The following THAP5 variants were observed in gnomAD, a reference collection of about 807,000 sequenced individuals.
The protein encoded by THAP5 is THAP domain-containing protein 5.
Under a neutral mutation model 34.0 loss-of-function variants are expected in THAP5, and 26 were observed. That is an observed-to-expected ratio of 0.77 (90% CI 0.56 to 1.06). THAP5 has a LOEUF of 1.06. THAP5 is among the 50% of genes least tolerant of loss of function. The pLI, the probability that THAP5 is intolerant of heterozygous loss-of-function variation, is 0.00. For missense variants in THAP5, 394 were observed against 452.8 expected, an observed-to-expected ratio of 0.87 and a Z score of 1.18; for synonymous variants, 125 against 153.0, an observed-to-expected ratio of 0.82 and a Z score of 1.35.
At chr7:108,556,957 A>G (rs528255078) in intron 1 of THAP5, among the ~76,000 whole-genome samples, 4 of 152,232 alleles carry the variant, frequency 2.6e-5, no homozygotes, top group East Asian at 3.9e-4. Flanking sequence ...CCAAACCTCA[A>G]CTCTTGCCTT....
intron 1 of THAP5, among the ~76,000 whole-genome samples, chr7:108,555,629 G>T (rs977810729): frequency 7.2e-5 from 11 of 151,992 alleles, no homozygotes; most frequent in African/African-American, 2.7e-4. Context: ...GTCTGTATAG[G>T]AAGCATGGTT....
intron 1 of THAP5, among the ~76,000 whole-genome samples, chr7:108,555,592 G>C (rs953250119): frequency 6.6e-6 from 1 of 152,090 alleles, no homozygotes; most frequent in Non-Finnish European, 1.5e-5. Context: ...CTGAATAAAA[G>C]AAGTTTAATT....
rs751539667 is a variant in THAP5 at position 108,564,599 on chromosome 7, T to G, written c.780A>C (p.Thr260=). Residue 260 remains threonine, a synonymous_variant, in exon 3 of 3, where the codon ACA becomes ACC. Transcript: ENST00000415914. ...NPFLFSTINQ[T]VEELNTNKES... ...CTTTATTTGTGTTTAATTCTTCAACTGTTTGATTAATTGTGCTGAATAAGA... is the reference window on the plus strand; with the variant it reads ...CTTTATTTGTGTTTAATTCTTCAACGGTTTGATTAATTGTGCTGAATAAGA... 1 of 1,613,970 alleles carries G rather than the reference T, an allele frequency of 6.2e-7. No homozygotes were observed. Among genetic ancestry groups the G allele is most frequent in the South Asian group, 1.1e-5 (1 of 91,072 alleles).
chr7:108,562,833 CTCTTT>C lies in THAP5; in HGVS notation c.*1353_*1357del, dbSNP rs1790382700. 1 of 152,146 alleles carries C rather than the reference CTCTTT, an allele frequency of 6.6e-6. No individual in the cohort carries two copies. The highest frequency in any genetic ancestry group is 2.1e-4 in the South Asian group (1 of 4,838). 9.4% of individuals were successfully genotyped at this position (152,146 alleles called of 1,614,324 possible). ...ATTTTTATTTACATTACCATTACTTCTCTTTTCTAAGAGAAATTCTTTGTCTCCCT... is the reference window on the plus strand; with the variant it reads ...ATTTTTATTTACATTACCATTACTTCTCTAAGAGAAATTCTTTGTCTCCCT... On this transcript the variant is annotated 3_prime_UTR_variant, in exon 3 of 3. Coordinates refer to ENST00000415914, the MANE Select transcript of THAP5 (RefSeq NM_001130475.3).
downstream of THAP5, among the ~76,000 whole-genome samples, chr7:108,560,702 A>T (rs1864421032): frequency 6.6e-6 from 1 of 152,154 alleles, no homozygotes; most frequent in Non-Finnish European, 1.5e-5. Flanking sequence ...TCTTTTCCAG[A>T]TGTCTTCCAG....
At chr7:108,550,273 C>CT (rs1225640781), downstream of THAP5, among the ~76,000 whole-genome samples, 2 of 152,018 alleles carry the variant, frequency 1.3e-5, no homozygotes, top group Non-Finnish European at 2.9e-5. Flanking sequence ...CCCTTTGTGT[C>CT]TTTTTTTCTT....
chr7:108,545,415 T>G, the THAP5 span, among the ~76,000 whole-genome samples: 1 of 152,218 alleles, frequency 6.6e-6, no homozygotes, highest in Non-Finnish European at 1.5e-5. Flanking sequence ...CTTCTAAGTC[T>G]CAAGTGACAA....
Position 108,565,993 on chromosome 7 carries a change from TC to T in THAP5, c.109del (p.Glu37LysfsTer4), listed in dbSNP as rs1375377251. 2 of 1,537,004 alleles carry T rather than the reference TC, an allele frequency of 1.3e-6. No homozygotes were observed. Among genetic ancestry groups the T allele is most frequent in the Non-Finnish European group, 1.8e-6 (2 of 1,142,780 alleles). ...PFPLHDKERL[E>X]KWLKNMKRDS... is the part of the protein sequence containing the mutation. Reference sequence around the variant, plus strand: ...TCGCTTCATATTCTTTAACCACTTTTCCAGTCTTTCTTTGTCATGTAGAGGA... The same window carrying T: ...TCGCTTCATATTCTTTAACCACTTTTCAGTCTTTCTTTGTCATGTAGAGGA... On this transcript the variant is annotated frameshift_variant, in exon 2 of 3. Coordinates refer to ENST00000415914, the MANE Select transcript of THAP5 (RefSeq NM_001130475.3). LOFTEE classifies it high-confidence loss of function.
rs1333674476 is a variant in THAP5, at chr7:108,565,509, AGTGAG to A, written c.273+316_273+320del. On this transcript the variant is annotated intron_variant, in intron 2 of 2. Coordinates refer to ENST00000415914, the MANE Select transcript of THAP5 (RefSeq NM_001130475.3). ...CTTGAACCCAGGAGGCAGAGGTTGC[AGTGAG>A]CTGAGATCGCACCACTGCACTCTAG... is the stretch of plus-strand genomic sequence containing the variant. The A allele has an allele frequency of 3.7e-5, 7 of 189,516 alleles. No individual in the cohort carries two copies. The Admixed American group carries it at 3.8e-4, about 10-fold the overall frequency. The allele number at this position is 189,516 out of a possible 1,614,324, so 11.7% of individuals were successfully genotyped here.
At chr7:108,555,549 T>C (rs1864380050) in intron 1 of THAP5, among the ~76,000 whole-genome samples, 1 of 152,122 alleles carries the variant, frequency 6.6e-6, no homozygotes, top group Admixed American at 6.5e-5. Context: ...GTGTTCATGC[T>C]GTTATAAAGA....
chr7:108,544,117 A>C, the THAP5 span, among the ~76,000 whole-genome samples: 5 of 152,224 alleles, frequency 3.3e-5, no homozygotes. Context: ...GTTTTCAAAA[A>C]CTTCTCCACA....
intron 1 of THAP5, chr7:108,554,986 C>T (rs1864376436): frequency 6.6e-6 from 1 of 152,134 alleles, no homozygotes; most frequent in African/African-American, 2.4e-5. Flanking sequence ...GCCTTATTTA[C>T]ACCTCTAATC....
intron 2 of THAP5, 34 bp from the exon 3 acceptor site, chr7:108,565,139 T>C (rs1368990843): frequency 1.4e-6 from 2 of 1,438,490 alleles, no homozygotes; most frequent in East Asian, 2.5e-5. Context: ...CTGAAAAAGA[T>C]GACTTTTATT....
downstream of THAP5, among the ~76,000 whole-genome samples, chr7:108,552,292 C>A (rs1206742311): frequency 6.6e-6 from 1 of 152,132 alleles, no homozygotes; most frequent in Admixed American, 6.5e-5. Context: ...AAGCACCCCA[C>A]ACTCCCCAAT....
At chr7:108,556,730 T>C (rs1472472656) in intron 1 of THAP5, among the ~76,000 whole-genome samples, 1 of 152,164 alleles carries the variant, frequency 6.6e-6, no homozygotes, top group Non-Finnish European at 1.5e-5. Flanking sequence ...AAGCTGTCAG[T>C]GTATCTACCA....
Position 108,565,755 on chromosome 7 carries a change from C to G in THAP5, c.273+75G>C, listed in dbSNP as rs528237634. On this transcript the variant is annotated intron_variant, in intron 2 of 2. Coordinates refer to ENST00000415914, the MANE Select transcript of THAP5 (RefSeq NM_001130475.3). ...TTACCCAAGTTATAGTTCCCTCTTA[C>G]TCTCCCACCTGATCACCTGCCACCC... 3.2e-5 allele frequency: 38 copies of G among 1,198,540 alleles called. No homozygotes were observed. In the South Asian group the frequency reaches 7.2e-4, roughly 23 times the overall value. The allele number at this position is 1,198,540 out of a possible 1,614,324, so 74.2% of individuals were successfully genotyped here.
the THAP5 span, among the ~76,000 whole-genome samples, chr7:108,545,939 C>T: frequency 3.9e-3 from 588 of 151,850 alleles, 3 homozygotes; most frequent in Non-Finnish European, 6.2e-3. Flanking sequence ...ATGGTTTTTC[C>T]TCTATTTGCT....
At position 108,564,037 on chromosome 7, in the gene THAP5, G is replaced by A. The variant is rs560824069; in HGVS notation, c.*154C>T. 3.3e-5 allele frequency: 18 copies of A among 552,124 alleles called. No homozygotes were observed. In the South Asian group the frequency reaches 9.2e-4, roughly 28 times the overall value. The allele number at this position is 552,124 out of a possible 1,614,324, so 34.2% of individuals were successfully genotyped here. ...CAACTCTCTGGTTTTTCTTAAATAA[G>A]TATTACAAGAATAGGATACAGTTCA... On this transcript the variant is annotated 3_prime_UTR_variant, in exon 3 of 3. Transcript: ENST00000415914.
At position 108,569,646 on chromosome 7, in the gene THAP5, G is replaced by C; in HGVS notation, c.-77C>G. 2.0e-6 allele frequency: 3 copies of C among 1,522,100 alleles called. No individual in the cohort carries two copies. Among genetic ancestry groups the C allele is most frequent in the Admixed American group, 4.0e-5 (2 of 50,242 alleles). 94.3% of individuals were successfully genotyped at this position (1,522,100 alleles called of 1,614,324 possible). A position where few individuals can be genotyped will look rare whatever the true frequency, so the allele number is the denominator to read the frequency against. On this transcript the variant is annotated 5_prime_UTR_variant, in exon 1 of 3. Coordinates refer to ENST00000415914, the MANE Select transcript of THAP5 (RefSeq NM_001130475.3). ...CCTCCTCACTGAGGATGCGCCACAG[G>C]TCCAGGCCTCTCGAGCCCCTGCGCC...
Sources: gnomAD v4.1 joint callset for allele counts (sites outside exome capture counted in the v4.1 genomes callset) on GRCh38, gnomAD v4.1.1 for gene constraint, MANE v1.5 for transcripts, NCBI Gene and HGNC (gene_info 2026-07-23, HGNC 2026-07-21) for gene names.